WAPL: variants seen among roughly 807,000 people sequenced by gnomAD.
WAPL encodes the protein wings apart-like protein homolog.
Under a neutral mutation model 121.0 loss-of-function variants are expected in WAPL, and 5 were observed. The ratio of observed to expected loss-of-function variants is 0.04; its 90% CI spans 0.02 to 0.09. The LOEUF is 0.09. WAPL is among the 10% of genes least tolerant of loss of function. WAPL has a pLI of 1.00. For missense variants in WAPL, 999 were observed against 1,410.8 expected, an observed-to-expected ratio of 0.71 and a Z score of 4.68; for synonymous variants, 480 against 481.5, an observed-to-expected ratio of 1.00 and a Z score of 0.04.
chr10:86,506,418 T>C (rs1187973858), intron 2 of WAPL, among the ~76,000 whole-genome samples: 2 of 152,216 alleles, frequency 1.3e-5, no homozygotes, highest in African/African-American at 4.8e-5. Context: ...TTCTGTTTTA[T>C]TTTACAATTT....
At position 86,473,929 on chromosome 10, in the gene WAPL, T is replaced by G; in HGVS notation, c.1689A>C (p.Pro563=). The G allele has an allele frequency of 6.2e-7, 1 of 1,614,078 alleles. No homozygotes were observed. Among genetic ancestry groups the G allele is most frequent in the Non-Finnish European group, 8.5e-7 (1 of 1,179,984 alleles). Residue 563 remains proline (P), a synonymous_variant, in exon 5 of 19, where the codon CCA becomes CCC. Coordinates refer to ENST00000298767, the MANE Select transcript of WAPL (RefSeq NM_015045.5). Reference sequence around the variant, plus strand: ...GTGGCCCAGGCAGTTCTTCTGAATCTGGATGATTCCAATGTCTGGCATTAT... The same window carrying G: ...GTGGCCCAGGCAGTTCTTCTGAATCGGGATGATTCCAATGTCTGGCATTAT... The part of the protein sequence containing the change: ...AVYNARHWNH[P]DSEELPGPPV...
intron 3 of WAPL, among the ~76,000 whole-genome samples, chr10:86,498,417 G>A (rs970211977): frequency 6.6e-6 from 1 of 152,022 alleles, no homozygotes; most frequent in Admixed American, 6.6e-5. Context: ...TTCGGGGGAG[G>A]CAGGGGTGAG....
intron 8 of WAPL, among the ~76,000 whole-genome samples, chr10:86,468,658 T>G (rs1841458576): frequency 6.6e-6 from 1 of 152,186 alleles, no homozygotes; most frequent in Non-Finnish European, 1.5e-5. Flanking sequence ...TATACATATT[T>G]GGATTTCTTT....
chr10:86,443,427 C>A (rs1589489783), intron 16 of WAPL, 64 bp from the exon 17 acceptor site: 1 of 1,418,836 alleles, frequency 7.0e-7, no homozygotes, highest in Non-Finnish European at 9.8e-7. Flanking sequence ...ACAAAACCAA[C>A]CATTCTGTTA....
In WAPL at chr10:86,500,393, C is replaced by A; in HGVS notation, c.850G>T (p.Val284Leu). Residue 284 changes from valine (V) to leucine (L), a missense_variant, in exon 3 of 19, where the codon GTA becomes TTA. This residue lies in a region of WAPL where 531 missense variants were observed against 563.1 expected (regional missense o/e 0.94). Transcript: ENST00000298767. ...NLNEAIEEDI[V>L]QSVLRPTNCR... The stretch of plus-strand genomic sequence containing the variant: ...TTGGTTGGCCTAAGAACACTTTGTA[C>A]AATATCTTCCTCAATGGCTTCATTC... 6.2e-7 allele frequency: 1 copy of A among 1,614,176 alleles called. No homozygotes were observed. Among genetic ancestry groups the A allele is most frequent in the Non-Finnish European group, 8.5e-7 (1 of 1,180,032 alleles).
chr10:86,468,891 G>A (rs888137581), intron 8 of WAPL, among the ~76,000 whole-genome samples: 6 of 151,794 alleles, frequency 4.0e-5, no homozygotes, highest in Admixed American at 3.3e-4. Context: ...ACCTAAGGTC[G>A]GGAGTTTGAG....
intron 12 of WAPL, 54 bp from the exon 13 acceptor site, chr10:86,453,885 C>A: frequency 7.6e-7 from 1 of 1,318,050 alleles, no homozygotes. Flanking sequence ...AGGTACACAG[C>A]AAATTTCTAT....
rs751002176 is a variant in WAPL, at chr10:86,500,466, G to C, written c.777C>G (p.Pro259=). The change falls in exon 3 of 19, where the codon CCC becomes CCG. Residue 259 remains proline, a synonymous_variant. Transcript: ENST00000298767. The part of the protein sequence containing the change: ...EDCILSLDSD[P]LLEMKDDDFK... ...AATCGTCATCCTTCATCTCCAAAAG[G>C]GGATCACTATCCAAACTTAAAATAC... 1.2e-6 allele frequency: 2 copies of C among 1,614,000 alleles called. No homozygotes were observed. The highest frequency in any genetic ancestry group is 1.7e-6 in the Non-Finnish European group (2 of 1,180,028).
intron 4 of WAPL, among the ~76,000 whole-genome samples, 200 bp from the exon 5 acceptor site, chr10:86,474,173 A>G (rs1412264391): frequency 6.6e-6 from 1 of 152,222 alleles, no homozygotes; most frequent in African/African-American, 2.4e-5. Flanking sequence ...AAAATCAGTA[A>G]TTAGTGCTCT....
intron 12 of WAPL, among the ~76,000 whole-genome samples, chr10:86,455,823 A>T (rs192714599): frequency 1.3e-5 from 2 of 152,290 alleles, no homozygotes; most frequent in African/African-American, 2.4e-5. Flanking sequence ...TGGGTTGCAT[A>T]AAAAATATAG....
chr10:86,453,754 G>GGTA lies in WAPL; in HGVS notation c.2734_2735insTAC (p.Lys911_Pro912insLeu). 1 of 1,614,180 alleles carries GGTA rather than the reference G, an allele frequency of 6.2e-7. No individual in the cohort carries two copies. The highest frequency in any genetic ancestry group is 8.5e-7 in the Non-Finnish European group (1 of 1,180,026). ...GTTAGTTACATTCTGGTGAGGCAGA[G>GGTA]GCTTACTGTCAGCTAAGCATATGCT... is the stretch of plus-strand genomic sequence containing the variant. On this transcript the variant is annotated inframe_insertion, in exon 13 of 19. Transcript: ENST00000298767.
At chr10:86,463,486 C>T (rs1310632088) in intron 9 of WAPL, among the ~76,000 whole-genome samples, 3 of 152,078 alleles carry the variant, frequency 2.0e-5, no homozygotes, top group Admixed American at 1.3e-4. Flanking sequence ...TGTGTGTCGC[C>T]TTCATTTTTA....
rs1849527255 is a variant in WAPL at position 86,443,565 on chromosome 10, T to C, written c.3323-202A>G. 1.0e-5 allele frequency: 5 copies of C among 481,842 alleles called. No individual in the cohort carries two copies. The East Asian group carries it at 1.3e-4, about 12-fold the overall frequency. The allele number at this position is 481,842 out of a possible 1,614,324, so 29.8% of individuals were successfully genotyped here. ...AAGAAAAGCTGAAACCATAAAACTT[T>C]TAGTTAAAATTTTTGTGTTGCAAAG... is the stretch of plus-strand genomic sequence containing the variant. On this transcript the variant is annotated intron_variant, in intron 16 of 18. Transcript: ENST00000298767.
chr10:86,511,357 G>GC (rs1842460689), intron 2 of WAPL, among the ~76,000 whole-genome samples: 3 of 152,282 alleles, frequency 2.0e-5, no homozygotes, highest in Admixed American at 2.0e-4. Context: ...TCCATAATTT[G>GC]CCCCTTGCAA....
chr10:86,500,732 T>C lies in WAPL; in HGVS notation c.511A>G (p.Asn171Asp). 1 of 1,560,706 alleles carries C rather than the reference T, an allele frequency of 6.4e-7. No individual in the cohort carries two copies. Among genetic ancestry groups the C allele is most frequent in the Non-Finnish European group, 8.6e-7 (1 of 1,160,280 alleles). Residue 171 changes from asparagine to aspartate, a missense_variant, in exon 3 of 19, where the codon AAT becomes GAT. Transcript: ENST00000298767. The part of the protein sequence containing the change: ...NKLITSDKVE[N>D]FHEEHEKNSH... ...TTCTTTTCATGTTCTTCATGAAAATTCTCCACTTTATCTGTAAAAATAAGT... is the reference window on the plus strand; with the variant it reads ...TTCTTTTCATGTTCTTCATGAAAATCCTCCACTTTATCTGTAAAAATAAGT...
intron 16 of WAPL, chr10:86,444,155 C>T (rs1293855120): frequency 6.6e-6 from 1 of 152,170 alleles, no homozygotes; most frequent in East Asian, 1.9e-4. Flanking sequence ...GCAAATCAAA[C>T]CACAATGAGA....
Position 86,521,666 on chromosome 10 carries a change from C to A in WAPL, c.-324G>T. On this transcript the variant is annotated 5_prime_UTR_variant, in exon 1 of 19. It adds an upstream start codon to the 5' untranslated region. Coordinates refer to ENST00000298767, the MANE Select transcript of WAPL (RefSeq NM_015045.5). ...TGTGCCCCCGCTGGGCCGCCGCCGCCTCCTGCGCCGCCGCTTCCGCCGGTG... is the reference window on the plus strand; with the variant it reads ...TGTGCCCCCGCTGGGCCGCCGCCGCATCCTGCGCCGCCGCTTCCGCCGGTG... 1 of 463,580 alleles carries A rather than the reference C, an allele frequency of 2.2e-6. No homozygotes were observed. The highest frequency in any genetic ancestry group is 1.6e-5 in the South Asian group (1 of 63,532). The allele number at this position is 463,580 out of a possible 1,614,324, so 28.7% of individuals were successfully genotyped here. A position where few individuals can be genotyped will look rare whatever the true frequency, so the allele number is the denominator to read the frequency against.
At chr10:86,446,625 C>T (rs769918600) in intron 15 of WAPL, among the ~76,000 whole-genome samples, 176 bp from the exon 16 acceptor site, 6 of 152,018 alleles carry the variant, frequency 3.9e-5, no homozygotes, top group South Asian at 4.1e-4. Flanking sequence ...AAAGCCAAAA[C>T]GAAAGTATAA....
intron 4 of WAPL, among the ~76,000 whole-genome samples, chr10:86,476,637 C>T (rs1222363033): frequency 1.3e-3 from 178 of 141,382 alleles, no homozygotes; most frequent in African/African-American, 4.3e-3. Context: ...TGCAGTGAGC[C>T]GAGATTGCGC....
Sources: gnomAD v4.1 joint callset for allele counts (sites outside exome capture counted in the v4.1 genomes callset) on GRCh38, gnomAD v4.1.1 for gene constraint, gnomAD v4.1.1 regional missense constraint, MANE v1.5 for transcripts, NCBI Gene and HGNC (gene_info 2026-07-23, HGNC 2026-07-21) for gene names.